The following TMEM8B variants were observed in gnomAD, a reference collection of about 807,000 sequenced individuals.
TMEM8B encodes nasopharyngeal carcinoma expressed 6.
TMEM8B carries 29 observed loss-of-function variants against 49.3 expected under a neutral mutation model. The observed-to-expected ratio is 0.59, with a 90% confidence interval of 0.44 to 0.80. The LOEUF (loss-of-function observed/expected upper bound fraction) is 0.80. Ranked by LOEUF, TMEM8B falls within the 30% of genes least tolerant of loss-of-function variation. The pLI, the probability that TMEM8B is intolerant of heterozygous loss-of-function variation, is 0.00. For missense variants in TMEM8B, 575 were observed against 658.5 expected, an observed-to-expected ratio of 0.87 and a Z score of 1.39; for synonymous variants, 264 against 272.8, an observed-to-expected ratio of 0.97 and a Z score of 0.32.
chr9:35,846,492 C>A lies in TMEM8B; in HGVS notation c.1877C>A (p.Thr626Lys), dbSNP rs776359892. The change falls in exon 9 of 13, where the codon ACG (threonine) becomes AAG (lysine). Residue 626 changes from threonine (T) to lysine (K), a missense_variant. Physicochemically the swap from Thr to Lys is moderately conservative, Grantham distance 78. Coordinates refer to ENST00000643932, the MANE Select transcript of TMEM8B (RefSeq NM_001042590.4). ...GPRFVRCRNA[T>K]AEVRMRTFLS... ...AGGTTCGTGCGGTGCCGCAACGCGA[C>A]GGCCGAGGTGCGGATGCGCACCTTC... 31 of 1,598,146 alleles carry A rather than the reference C, an allele frequency of 1.9e-5. No individual in the cohort carries two copies. In the South Asian group the frequency reaches 3.4e-4, roughly 17 times the overall value.
At chr9:35,845,620 A>C (rs775075803) in intron 6 of TMEM8B, 3 of 985,438 alleles carry the variant, frequency 3.0e-6, no homozygotes, top group South Asian at 4.7e-5. Flanking sequence ...TTTGTCCACA[A>C]TTAGTTTCTA....
chr9:35,842,460 G>T lies in TMEM8B; in HGVS notation c.1378G>T (p.Gly460Cys). ...GAAMNMPQSL[G>C]NQPLPPEPPS... Reference sequence around the variant, plus strand: ...TGCCATGAACATGCCCCAGTCCCTGGGCAACCAGCCACTGCCCCCAGAACC... The same window carrying T: ...TGCCATGAACATGCCCCAGTCCCTGTGCAACCAGCCACTGCCCCCAGAACC... Residue 460 changes from glycine to cysteine, a missense_variant, in exon 6 of 13, where the codon GGC becomes TGC. Physicochemically the swap from Gly to Cys is radical, Grantham distance 159. Coordinates refer to ENST00000643932, the MANE Select transcript of TMEM8B (RefSeq NM_001042590.4). This position sits in a 1 kb window ranked among gnomAD's most constrained non-coding sequence, Gnocchi z 5.6. The T allele has an allele frequency of 6.3e-7, 1 of 1,585,050 alleles. No individual in the cohort carries two copies. Among genetic ancestry groups the T allele is most frequent in the Non-Finnish European group, 8.6e-7 (1 of 1,162,622 alleles).
chr9:35,862,598 T>G lies in TMEM8B; in HGVS notation c.*8758T>G, dbSNP rs983633092. 1 of 152,370 alleles carries G rather than the reference T, an allele frequency of 6.6e-6. No homozygotes were observed. Among genetic ancestry groups the G allele is most frequent in the African/African-American group, 2.4e-5 (1 of 41,456 alleles). The allele number at this position is 152,370 out of a possible 1,614,324, so 9.4% of individuals were successfully genotyped here. Reference sequence around the variant, plus strand: ...TCCCTCATGCACACCTGCTGCAGCCTCATCAGACCACTCCCTGTCTTTTGG... The same window carrying G: ...TCCCTCATGCACACCTGCTGCAGCCGCATCAGACCACTCCCTGTCTTTTGG... On this transcript the variant is annotated 3_prime_UTR_variant, in exon 13 of 13. Transcript: ENST00000643932.
In TMEM8B at chr9:35,841,041, T is replaced by G; in HGVS notation, c.907-93T>G. ...TGGGAGTGGTGGCCGGGGCGGGGGT[T>G]TCTCCCCAGCCCGCCCAGCAGGTTC... On this transcript the variant is annotated intron_variant, in intron 3 of 12. Coordinates refer to ENST00000643932, the MANE Select transcript of TMEM8B (RefSeq NM_001042590.4). This position sits in a 1 kb window ranked among gnomAD's most constrained non-coding sequence, Gnocchi z 5.9. 2.4e-6 allele frequency: 1 copy of G among 412,034 alleles called. No individual in the cohort carries two copies. The highest frequency in any genetic ancestry group is 4.4e-6 in the Non-Finnish European group (1 of 225,934). 25.5% of individuals were successfully genotyped at this position (412,034 alleles called of 1,614,324 possible). A position where few individuals can be genotyped will look rare whatever the true frequency, so the allele number is the denominator to read the frequency against.
At position 35,855,279 on chromosome 9, in the gene TMEM8B, C is replaced by T. The variant is rs1408350633; in HGVS notation, c.*1439C>T. ...TGGCCTGGGGTGTGGAGCTCAGGGA[C>T]TCTTCCTTTTGGGACCCTCTGTGTC... On this transcript the variant is annotated 3_prime_UTR_variant, in exon 13 of 13. Transcript: ENST00000643932. 1 of 152,090 alleles carries T rather than the reference C, an allele frequency of 6.6e-6. No individual in the cohort carries two copies. Among genetic ancestry groups the T allele is most frequent in the African/African-American group, 2.4e-5 (1 of 41,378 alleles). The allele number at this position is 152,090 out of a possible 1,614,324, so 9.4% of individuals were successfully genotyped here.
intron 1 of TMEM8B, among the ~76,000 whole-genome samples, chr9:35,832,531 T>TC (rs1309730563): frequency 6.6e-6 from 1 of 152,120 alleles, no homozygotes; most frequent in African/African-American, 2.4e-5. Context: ...GTTCCCCAGT[T>TC]CCCCAGGCCA....
chr9:35,845,980 C>T lies in TMEM8B; in HGVS notation c.1641C>T (p.Ser547=). The change falls in exon 7 of 13, where the codon TCC becomes TCT. Residue 547 remains serine, a synonymous_variant. Coordinates refer to ENST00000643932, the MANE Select transcript of TMEM8B (RefSeq NM_001042590.4). The part of the protein sequence containing the change: ...LSLELQLNAS[S]VRQENVTVFG... ...TCCATACCTGCCCTCCCCAGAGCTC[C>T]GTGCGCCAGGAAAACGTGACGGTGT... 1.2e-6 allele frequency: 2 copies of T among 1,613,884 alleles called. No homozygotes were observed. Among genetic ancestry groups the T allele is most frequent in the Non-Finnish European group, 1.7e-6 (2 of 1,179,922 alleles).
intron 1 of TMEM8B, among the ~76,000 whole-genome samples, chr9:35,831,744 C>T (rs1829922496): frequency 6.6e-6 from 1 of 152,170 alleles, no homozygotes; most frequent in African/African-American, 2.4e-5. Flanking sequence ...ACACTGTTGC[C>T]CAGAAGCAGG....
chr9:35,846,695 G>T, intron 9 of TMEM8B, 84 bp downstream of exon 9: 2 of 1,545,892 alleles, frequency 1.3e-6, no homozygotes, highest in Non-Finnish European at 8.7e-7. Flanking sequence ...GAGTAGGGGA[G>T]TGCGCAGCCT....
intron 1 of TMEM8B, among the ~76,000 whole-genome samples, chr9:35,832,977 G>A (rs1830065816): frequency 6.6e-6 from 1 of 152,076 alleles, no homozygotes; most frequent in South Asian, 2.1e-4. Context: ...AAGGTGACAG[G>A]TTTTCCTTCC....
At position 35,853,869 on chromosome 9, in the gene TMEM8B, A is replaced by T. The variant is rs1832387140; in HGVS notation, c.*29A>T. 1 of 1,510,468 alleles carries T rather than the reference A, an allele frequency of 6.6e-7. No individual in the cohort carries two copies. Among genetic ancestry groups the T allele is most frequent in the Admixed American group, 2.3e-5 (1 of 44,164 alleles). 93.6% of individuals were successfully genotyped at this position (1,510,468 alleles called of 1,614,324 possible). ...GGGCTTTGGGCCTGGCCCTGAGGGG[A>T]TATGAATGCTTCCTAGAGTTCTTTC... On this transcript the variant is annotated 3_prime_UTR_variant, in exon 13 of 13. Transcript: ENST00000643932. The surrounding 1 kb of genome is among the most constrained non-coding windows in gnomAD (Gnocchi z 4.2).
At chr9:35,846,431 T>C in intron 8 of TMEM8B, 38 bp from the exon 9 acceptor site, 1 of 1,593,174 alleles carries the variant, frequency 6.3e-7, no homozygotes, top group Non-Finnish European at 8.6e-7. Context: ...TTGGCGGGGG[T>C]GGCCCGGGGC....
chr9:35,837,397 T>C (rs1306371644), intron 3 of TMEM8B, among the ~76,000 whole-genome samples: 5 of 152,042 alleles, frequency 3.3e-5, no homozygotes, highest in Non-Finnish European at 7.4e-5. Flanking sequence ...TATTGGAAAC[T>C]GTTAAGCGGT....
intron 10 of TMEM8B, among the ~76,000 whole-genome samples, chr9:35,850,620 C>T (rs563897876): frequency 6.6e-6 from 1 of 152,312 alleles, no homozygotes; most frequent in South Asian, 2.1e-4. Context: ...CCTCTCCACT[C>T]TAGAGATAAT....
chr9:35,834,449 C>T lies in TMEM8B; in HGVS notation c.509-12C>T, dbSNP rs1445231684. 2.4e-6 allele frequency: 1 copy of T among 415,028 alleles called. No individual in the cohort carries two copies. The highest frequency in any genetic ancestry group is 2.1e-5 in the African/African-American group (1 of 48,614). The allele number at this position is 415,028 out of a possible 1,614,324, so 25.7% of individuals were successfully genotyped here. ...TCCTGCCCTGCTCCTTTCTCTCTCT[C>T]CTGCTTCCCAGGAGGCCTTTTCCTG... is the stretch of plus-strand genomic sequence containing the variant. On this transcript the variant is annotated splice_polypyrimidine_tract_variant and intron_variant, in intron 1 of 12. Coordinates refer to ENST00000643932, the MANE Select transcript of TMEM8B (RefSeq NM_001042590.4).
intron 3 of TMEM8B, chr9:35,835,474 CAG>C: frequency 2.8e-6 from 1 of 353,418 alleles, no homozygotes; most frequent in East Asian, 4.3e-5. Flanking sequence ...AATCTGGAGT[CAG>C]AGGCTCTGGC....
chr9:35,848,272 CT>C (rs34267280), intron 10 of TMEM8B, among the ~76,000 whole-genome samples: 2 of 152,132 alleles, frequency 1.3e-5, no homozygotes, highest in Admixed American at 6.5e-5. Context: ...TGATTGGCCC[CT>C]TTTTAGGCCT....
chr9:35,849,186 A>G (rs186014870), intron 10 of TMEM8B, among the ~76,000 whole-genome samples: 7 of 152,304 alleles, frequency 4.6e-5, no homozygotes, highest in Non-Finnish European at 7.4e-5. Flanking sequence ...CCATTGGTCA[A>G]ATTGCAGTTG....
rs1187833267 is a variant in TMEM8B, at chr9:35,860,925, A to T, written c.*7085A>T. ...CCAGGTGACCTCCATCGCCATGCAG[A>T]GCTGCTCTCACTTCTCCTCGGGAAA... On this transcript the variant is annotated 3_prime_UTR_variant, in exon 13 of 13. Coordinates refer to ENST00000643932, the MANE Select transcript of TMEM8B (RefSeq NM_001042590.4). The T allele has an allele frequency of 6.6e-6, 1 of 152,264 alleles. No individual in the cohort carries two copies. Among genetic ancestry groups the T allele is most frequent in the Non-Finnish European group, 1.5e-5 (1 of 68,070 alleles). 9.4% of individuals were successfully genotyped at this position (152,264 alleles called of 1,614,324 possible). A position where few individuals can be genotyped will look rare whatever the true frequency, so the allele number is the denominator to read the frequency against.
Sources: gnomAD v4.1 joint callset for allele counts (sites outside exome capture counted in the v4.1 genomes callset) on GRCh38, gnomAD v4.1.1 for gene constraint, Gnocchi (gnomAD v3.1) non-coding constraint, MANE v1.5 for transcripts, NCBI Gene and HGNC (gene_info 2026-07-23, HGNC 2026-07-21) for gene names.